SMARCA1: variants seen among roughly 807,000 people sequenced by gnomAD.
SMARCA1 encodes the protein SWI/SNF-related matrix-associated actin-dependent regulator of chromatin subfamily A member 1.
A neutral mutation model predicts 93.6 loss-of-function variants in SMARCA1; 17 were observed. That is an observed-to-expected ratio of 0.18 (90% confidence interval 0.12 to 0.27). The LOEUF is 0.27. Ranked by LOEUF, SMARCA1 falls within the 10% of genes least tolerant of loss-of-function variation. SMARCA1 has a pLI of 1.00. For synonymous variants in SMARCA1, 271 were observed against 271.4 expected (o/e 1.00, Z 0.01); for missense variants, 630 against 819.0 (o/e 0.77, Z 2.82).
At chrX:129,508,158 A>T in intron 6 of SMARCA1, 62 bp from the exon 7 acceptor site, 1 of 651,842 alleles carries the variant, frequency 1.5e-6, no homozygotes, top group Non-Finnish European at 2.2e-6. Flanking sequence ...TTATAAGATG[A>T]TCACAGAATT....
At chrX:129,515,603 G>A in intron 5 of SMARCA1, 84 bp downstream of exon 5, 1 of 613,130 alleles carries the variant, frequency 1.6e-6, no homozygotes, top group African/African-American at 2.2e-5. Flanking sequence ...CCAGGCATCA[G>A]GGGGGCAGGT....
At chrX:129,481,254 T>A in intron 17 of SMARCA1, 69 bp from the exon 18 acceptor site, 2 of 657,895 alleles carry the variant, frequency 3.0e-6, no homozygotes, top group Non-Finnish European at 4.8e-6. Flanking sequence ...ATCAAGTACA[T>A]CGAGGCTGCA....
intron 23 of SMARCA1, among the ~76,000 whole-genome samples, chrX:129,453,204 A>T (rs1275232438): frequency 8.9e-6 from 1 of 112,019 alleles, no homozygotes; most frequent in African/African-American, 3.2e-5. Flanking sequence ...ATAAAAGGAA[A>T]CGACTTACTT....
intron 23 of SMARCA1, among the ~76,000 whole-genome samples, chrX:129,463,144 C>T (rs1406520556): frequency 1.8e-5 from 2 of 111,500 alleles, no homozygotes; most frequent in Non-Finnish European, 3.8e-5. Context: ...AATTCAATAA[C>T]TGTTCTATCA....
At chrX:129,485,177 C>T (rs958253903) in intron 17 of SMARCA1, among the ~76,000 whole-genome samples, 3 of 112,346 alleles carry the variant, frequency 2.7e-5, no homozygotes, top group African/African-American at 9.7e-5. Context: ...AGAACAGCCA[C>T]GTGGGCTGTA....
intron 8 of SMARCA1, among the ~76,000 whole-genome samples, chrX:129,505,171 G>A (rs1376645764): frequency 8.9e-6 from 1 of 111,826 alleles, no homozygotes; most frequent in Non-Finnish European, 1.9e-5. Context: ...GATAAAGTGT[G>A]CAAAGCAACT....
At chrX:129,499,556 T>A (rs915840168) in intron 10 of SMARCA1, among the ~76,000 whole-genome samples, 176 bp downstream of exon 10, 2 of 112,093 alleles carry the variant, frequency 1.8e-5, no homozygotes, top group Non-Finnish European at 1.9e-5. Context: ...TATACTCTTT[T>A]CAAAGGGTTA....
At chrX:129,515,871 C>G in intron 4 of SMARCA1, 23 bp downstream of exon 4, 1 of 1,156,809 alleles carries the variant, frequency 8.6e-7, no homozygotes, top group Non-Finnish European at 1.2e-6. Context: ...AAAAAGAACT[C>G]ACCAATGTGA....
At chrX:129,465,403 A>C in intron 23 of SMARCA1, 117 bp downstream of exon 23, 1 of 486,649 alleles carries the variant, frequency 2.1e-6, no homozygotes, top group Non-Finnish European at 3.6e-6. Context: ...GAGAGAGAGA[A>C]AGAGAGAGCG....
intron 4 of SMARCA1, 35 bp from the exon 5 acceptor site, chrX:129,515,822 AT>A (rs1288391263): frequency 8.7e-7 from 1 of 1,149,099 alleles, no homozygotes. Context: ...TCATACTTTC[AT>A]TAACATACTC....
intron 19 of SMARCA1, 77 bp from the exon 20 acceptor site, chrX:129,471,403 C>G (rs1933118860): frequency 1.6e-6 from 1 of 635,990 alleles, no homozygotes; most frequent in African/African-American, 2.3e-5. Flanking sequence ...ACATATCAAT[C>G]TTTAGAGTTA....
At chrX:129,507,794 C>T (rs1313100771) in intron 7 of SMARCA1, 147 bp downstream of exon 7, 7 of 388,128 alleles carry the variant, frequency 1.8e-5, no homozygotes, top group South Asian at 5.8e-5. Flanking sequence ...TCTTGTGATC[C>T]GCCCTCCTCG....
rs1037443305 is a variant in SMARCA1 at position 129,523,449 on chromosome X, G to A, written c.-79C>T. ...GCGGCGGCAGTGGCTGCACTGGAAA[G>A]AGCTAGATGGAGCAGGGGTGGGGAA... On this transcript the variant is annotated 5_prime_UTR_variant, in exon 1 of 25. Coordinates refer to ENST00000371121, the MANE Select transcript of SMARCA1 (RefSeq NM_001282874.2). The A allele has an allele frequency of 7.4e-6, 6 of 809,432 alleles. No homozygotes were observed. The highest frequency in any genetic ancestry group is 2.1e-5 in the African/African-American group (1 of 48,045). The allele number at this position is 809,432 out of a possible 1,213,427, so 66.7% of individuals were successfully genotyped here.
At chrX:129,484,061 A>G in intron 17 of SMARCA1, among the ~76,000 whole-genome samples, 1 of 112,195 alleles carries the variant, frequency 8.9e-6, no homozygotes, top group East Asian at 2.8e-4. Flanking sequence ...TTATAAAAAT[A>G]CAAGTCATCA....
Position 129,480,760 on chromosome X carries a change from G to A in SMARCA1, c.2383C>T (p.Arg795Cys), listed in dbSNP as rs753720962. ...TCCTTTTCCAGGAGCTCAAATAAGC[G>A]TGGTGGGAAAAATTGAAAATCCTGA... ...NVQDFQFFPPRLFELLEKEIL... is the reference protein window; with the variant it reads ...NVQDFQFFPPCLFELLEKEIL... Residue 795 changes from arginine (R) to cysteine (C), a missense_variant, in exon 19 of 25, where the codon CGC (arginine) becomes TGC (cysteine). Transcript: ENST00000371121. The A allele has an allele frequency of 1.1e-5, 13 of 1,149,929 alleles. No homozygotes were observed. The highest frequency in any genetic ancestry group is 9.1e-5 in the Admixed American group (3 of 33,107). The allele number at this position is 1,149,929 out of a possible 1,213,427, so 94.8% of individuals were successfully genotyped here.
intron 1 of SMARCA1, 118 bp from the exon 2 acceptor site, chrX:129,518,565 T>C (rs1935283033): frequency 4.7e-6 from 2 of 429,272 alleles, no homozygotes; most frequent in East Asian, 8.1e-5. Context: ...TAAATCAATG[T>C]GGGACATGTA....
At position 129,488,899 on chromosome X, in the gene SMARCA1, A is replaced by G. The variant is rs371748517; in HGVS notation, c.2097+38T>C. ...TATGCTGAAGTATGTTGATATTAAA[A>G]CAATCCAGCATGAAAATAAAATGCT... On this transcript the variant is annotated intron_variant, in intron 16 of 24. Transcript: ENST00000371121. 91 of 968,674 alleles carry G rather than the reference A, an allele frequency of 9.4e-5. No individual in the cohort carries two copies. In the East Asian group the frequency reaches 2.2e-3, roughly 23 times the overall value. The allele number at this position is 968,674 out of a possible 1,213,427, so 79.8% of individuals were successfully genotyped here.
chrX:129,489,730 T>C (rs1345466782), intron 15 of SMARCA1, among the ~76,000 whole-genome samples: 1 of 111,767 alleles, frequency 8.9e-6, no homozygotes. Flanking sequence ...GCTAATTTTT[T>C]GTATTTTTAG....
Position 129,504,171 on chromosome X carries a change from G to A in SMARCA1, c.1167+563C>T, listed in dbSNP as rs758035927. ...CACACGCCTGTAATCCCAGCTACTC[G>A]GGAGGCTGAGGCAGGAGGATTGCTT... On this transcript the variant is annotated intron_variant, in intron 9 of 24. Coordinates refer to ENST00000371121, the MANE Select transcript of SMARCA1 (RefSeq NM_001282874.2). 5.9e-3 allele frequency among the ~76,000 whole-genome samples: 656 copies of A among 111,162 alleles called. 7 individuals are homozygous for A. The highest frequency in any genetic ancestry group is 0.021 in the African/African-American group (629 of 30,606).
Sources: allele counts gnomAD v4.1 joint callset (sites outside exome capture counted in the v4.1 genomes callset), GRCh38; gene constraint gnomAD v4.1.1; transcripts MANE v1.5; gene names NCBI Gene and HGNC (gene_info 2026-07-23, HGNC 2026-07-21).